The following CLEC17A variants were observed in gnomAD, a reference collection of about 807,000 sequenced individuals.
CLEC17A encodes the protein C-type lectin domain containing 17A.
Under a neutral mutation model 61.3 loss-of-function variants are expected in CLEC17A, and 37 were observed. That is an observed-to-expected ratio of 0.60 (90% CI 0.46 to 0.79). CLEC17A has a LOEUF of 0.79. CLEC17A is among the 30% of genes least tolerant of loss of function. The pLI, the probability that CLEC17A is intolerant of heterozygous loss-of-function variation, is 0.00. For synonymous variants in CLEC17A, 168 were observed against 164.9 expected, an observed-to-expected ratio of 1.02 and a Z score of -0.14; for missense variants, 418 against 464.7, an observed-to-expected ratio of 0.90 and a Z score of 0.92.
intron 2 of CLEC17A, among the ~76,000 whole-genome samples, chr19:14,587,273 G>A (rs1246853819): frequency 4.0e-5 from 6 of 151,474 alleles, no homozygotes; most frequent in Non-Finnish European, 8.8e-5. Context: ...TTGTGTTTGT[G>A]TGAGGTCTGG....
Position 14,607,012 on chromosome 19 carries a change from A to G in CLEC17A, c.914A>G (p.His305Arg). Residue 305 changes from histidine to arginine, a missense_variant, in exon 13 of 14, where the codon CAT becomes CGT. His to Arg is a conservative substitution (Grantham distance 29, BLOSUM62 0). Transcript: ENST00000417570. Reference sequence around the variant, plus strand: ...TTGCAGAATTTTGTGGCCAAGGCCCATGGCTCTCCACGGGTGTACTGGCTG... The same window carrying G: ...TTGCAGAATTTTGTGGCCAAGGCCCGTGGCTCTCCACGGGTGTACTGGCTG... ...FAEHNFVAKA[H>R]GSPRVYWLGL... 7.7e-7 allele frequency: 1 copy of G among 1,303,330 alleles called. No individual in the cohort carries two copies. Among genetic ancestry groups the G allele is most frequent in the Non-Finnish European group, 9.8e-7 (1 of 1,021,666 alleles). The allele number at this position is 1,303,330 out of a possible 1,614,324, so 80.7% of individuals were successfully genotyped here.
intron 12 of CLEC17A, among the ~76,000 whole-genome samples, chr19:14,606,724 G>A (rs778905191): frequency 6.6e-6 from 1 of 151,886 alleles, no homozygotes; most frequent in African/African-American, 2.4e-5. Context: ...CTACCAGGAG[G>A]TAGCTACTGT....
At chr19:14,609,709 A>G (rs983186309) in intron 13 of CLEC17A, among the ~76,000 whole-genome samples, 2 of 151,904 alleles carry the variant, frequency 1.3e-5, no homozygotes, top group African/African-American at 2.4e-5. Context: ...GTGGTGGTGG[A>G]CACCTGTAAT....
chr19:14,581,264 A>G (rs922888549), upstream of CLEC17A, among the ~76,000 whole-genome samples: 1 of 152,208 alleles, frequency 6.6e-6, no homozygotes, highest in African/African-American at 2.4e-5. Flanking sequence ...AGTTTCCTAT[A>G]GTGACTCTAA....
intron 12 of CLEC17A, 89 bp downstream of exon 12, chr19:14,600,271 C>A: frequency 6.8e-7 from 1 of 1,466,572 alleles, no homozygotes; most frequent in Non-Finnish European, 9.3e-7. Flanking sequence ...CCCTGGATGG[C>A]AAGAAATTAG....
intron 12 of CLEC17A, among the ~76,000 whole-genome samples, chr19:14,602,974 A>T (rs929557817): frequency 2.0e-5 from 3 of 152,036 alleles, no homozygotes; most frequent in African/African-American, 7.2e-5. Context: ...ACCTCAGGTG[A>T]TCCACCTGCC....
In CLEC17A at chr19:14,610,272, C is replaced by A; in HGVS notation, c.*76C>A. ...GAATCTCCTGCCCTTTCGTGGACGG[C>A]CTTGCCTCTTCGTGAGTGGACACAC... On this transcript the variant is annotated 3_prime_UTR_variant, in exon 14 of 14. Transcript: ENST00000417570. 6.5e-7 allele frequency: 1 copy of A among 1,526,722 alleles called. No homozygotes were observed. The allele number at this position is 1,526,722 out of a possible 1,614,324, so 94.6% of individuals were successfully genotyped here. A position where few individuals can be genotyped will look rare whatever the true frequency, so the allele number is the denominator to read the frequency against.
intron 3 of CLEC17A, among the ~76,000 whole-genome samples, chr19:14,591,095 G>C (rs1470672026): frequency 1.3e-5 from 2 of 151,890 alleles, no homozygotes; most frequent in Non-Finnish European, 2.9e-5. Context: ...GCTCTGTAGG[G>C]GAGCTCAACT....
chr19:14,589,247 A>C (rs2074359369), intron 3 of CLEC17A, among the ~76,000 whole-genome samples: 1 of 131,644 alleles, frequency 7.6e-6, no homozygotes, highest in Non-Finnish European at 1.5e-5. Context: ...CCATCCCAAC[A>C]CCAATTCTAA....
At chr19:14,593,333 C>T (rs1182548554) in intron 4 of CLEC17A, among the ~76,000 whole-genome samples, 2 of 85,816 alleles carry the variant, frequency 2.3e-5, no homozygotes. Context: ...CCATCTCTAC[C>T]AAAAAAAAAA....
intron 2 of CLEC17A, among the ~76,000 whole-genome samples, chr19:14,586,887 C>CT (rs200760633): frequency 0.09 from 12,503 of 138,196 alleles, 638 homozygotes; most frequent in South Asian, 0.13. Flanking sequence ...TTCTTTCTTT[C>CT]TTTCTTTTTT....
intron 4 of CLEC17A, among the ~76,000 whole-genome samples, chr19:14,594,076 A>G (rs1396901895): frequency 6.6e-6 from 1 of 152,124 alleles, no homozygotes; most frequent in Admixed American, 6.5e-5. Context: ...TGAGGTCAGG[A>G]GTTCGAGACC....
chr19:14,597,085 A>T lies in CLEC17A; in HGVS notation c.584-14A>T. On this transcript the variant is annotated splice_polypyrimidine_tract_variant and intron_variant, in intron 9 of 13. Coordinates refer to ENST00000417570, the MANE Select transcript of CLEC17A (RefSeq NM_001204118.2). ...ACAGGAGGACCTGGGCTCAATTTGG[A>T]CTCTTCTTCATAGACCAGGAGTTGA... The T allele has an allele frequency of 6.2e-7, 1 of 1,612,342 alleles. No individual in the cohort carries two copies. Among genetic ancestry groups the T allele is most frequent in the Non-Finnish European group, 8.5e-7 (1 of 1,179,358 alleles).
In CLEC17A at chr19:14,607,446, G is replaced by A. The variant is rs556658656; in HGVS notation, c.1004+344G>A. Among the ~76,000 whole-genome samples the A allele has an allele frequency of 6.1e-3, 926 of 151,870 alleles. 4 individuals are homozygous for A. The highest frequency in any genetic ancestry group is 0.011 in the South Asian group (55 of 4,822). ...TCTTGATCTCCTGACCTCGTGATCT[G>A]CCCGCCTTGGCCTCCCAAAGTGCTG... On this transcript the variant is annotated intron_variant, in intron 13 of 13. Coordinates refer to ENST00000417570, the MANE Select transcript of CLEC17A (RefSeq NM_001204118.2).
chr19:14,584,041 G>A (rs1470221298), intron 2 of CLEC17A: 2 of 147,040 alleles, frequency 1.4e-5, no homozygotes, highest in Admixed American at 6.8e-5. Flanking sequence ...GACCAGCCAG[G>A]GCAACATAGC....
At chr19:14,595,401 G>A (rs1599548378) in intron 8 of CLEC17A, 86 bp downstream of exon 8, 1 of 1,462,828 alleles carries the variant, frequency 6.8e-7, no homozygotes, top group Non-Finnish European at 9.5e-7. Flanking sequence ...TGAGTCAGAG[G>A]AACTTCTCCT....
chr19:14,582,381 T>G (rs894009718), upstream of CLEC17A, among the ~76,000 whole-genome samples: 1 of 151,280 alleles, frequency 6.6e-6, no homozygotes, highest in Non-Finnish European at 1.5e-5. Flanking sequence ...CCCAGCTAAT[T>G]TTTTGTATTT....
chr19:14,595,617 G>A (rs1210892558), intron 8 of CLEC17A, among the ~76,000 whole-genome samples: 1 of 152,186 alleles, frequency 6.6e-6, no homozygotes, highest in African/African-American at 2.4e-5. Flanking sequence ...ATGGAAGGAT[G>A]AGGAAGGAGA....
intron 10 of CLEC17A, among the ~76,000 whole-genome samples, chr19:14,598,347 TTTC>T (rs2074606451): frequency 6.6e-6 from 1 of 151,878 alleles, no homozygotes; most frequent in Non-Finnish European, 1.5e-5. Context: ...TCTTTCTTTC[TTTC>T]TTTTTCTTTT....
Sources: allele counts gnomAD v4.1 joint callset (sites outside exome capture counted in the v4.1 genomes callset), GRCh38; gene constraint gnomAD v4.1.1; transcripts MANE v1.5; gene names NCBI Gene and HGNC (gene_info 2026-07-23, HGNC 2026-07-21).